The following IMMP2L variants were observed in gnomAD, a reference collection of about 807,000 sequenced individuals.
IMMP2L encodes inner mitochondrial membrane peptidase subunit 2, also known as mitochondrial inner membrane protease subunit 2.
IMMP2L carries 18 observed loss-of-function variants against 19.3 expected under a neutral mutation model. The observed-to-expected ratio is 0.93, with a 90% CI of 0.64 to 1.38. IMMP2L has a LOEUF of 1.38. IMMP2L is among the 40% of genes most tolerant of loss of function. The pLI is 0.00. For synonymous variants in IMMP2L, 76 were observed against 73.0 expected, an observed-to-expected ratio of 1.04 and a Z score of -0.21; for missense variants, 233 against 218.2, an observed-to-expected ratio of 1.07 and a Z score of -0.43.
chr7:110,995,943 A>C (rs2129560341), intron 3 of IMMP2L, among the ~76,000 whole-genome samples: 1 of 152,296 alleles, frequency 6.6e-6, no homozygotes, highest in Non-Finnish European at 1.5e-5. Context: ...ATAAGAAATA[A>C]CACCATGTAA....
chr7:110,714,222 A>T (rs1345996238), intron 5 of IMMP2L, among the ~76,000 whole-genome samples: 1 of 152,202 alleles, frequency 6.6e-6, no homozygotes, highest in Non-Finnish European at 1.5e-5. Flanking sequence ...GTGGTGAATC[A>T]CATTTATTGA....
intron 3 of IMMP2L, among the ~76,000 whole-genome samples, chr7:111,381,376 T>C (rs1451369715): frequency 1.3e-5 from 2 of 152,002 alleles, no homozygotes; most frequent in African/African-American, 4.8e-5. Flanking sequence ...GCCACGTGTC[T>C]ACTGAGCATT....
chr7:110,706,400 A>G (rs1336010832), intron 5 of IMMP2L, among the ~76,000 whole-genome samples: 3 of 152,196 alleles, frequency 2.0e-5, no homozygotes, highest in Non-Finnish European at 4.4e-5. Context: ...CACTATGTCC[A>G]GCAGTAGTTC....
intron 3 of IMMP2L, among the ~76,000 whole-genome samples, chr7:111,168,140 C>G (rs1402583004): frequency 6.6e-6 from 1 of 151,868 alleles, no homozygotes; most frequent in Admixed American, 6.6e-5. Context: ...TGATTTTCTG[C>G]TGGATATGTT....
At chr7:111,421,256 T>C (rs1835492858) in intron 3 of IMMP2L, among the ~76,000 whole-genome samples, 1 of 148,258 alleles carries the variant, frequency 6.7e-6, no homozygotes, top group Non-Finnish European at 1.5e-5. Flanking sequence ...GATGGGGTTG[T>C]TTGTTTTTTT....
intron 2 of IMMP2L, among the ~76,000 whole-genome samples, chr7:111,513,156 ACAAT>A (rs1296799786): frequency 6.6e-6 from 1 of 152,176 alleles, no homozygotes; most frequent in Non-Finnish European, 1.5e-5. Flanking sequence ...AGAGAAGGAA[ACAAT>A]CAACATGGTA....
chr7:111,094,029 G>A (rs1797143016), intron 3 of IMMP2L, among the ~76,000 whole-genome samples: 1 of 152,094 alleles, frequency 6.6e-6, no homozygotes, highest in African/African-American at 2.4e-5. Context: ...TACAAAAAAG[G>A]TGATCAACTT....
At chr7:111,385,452 C>T (rs919290247) in intron 3 of IMMP2L, among the ~76,000 whole-genome samples, 5 of 152,122 alleles carry the variant, frequency 3.3e-5, no homozygotes, top group South Asian at 2.1e-4. Flanking sequence ...AGACCCATAG[C>T]GCTACCCTAG....
intron 3 of IMMP2L, among the ~76,000 whole-genome samples, chr7:111,290,472 CTG>C (rs1192717868): frequency 6.6e-6 from 1 of 151,284 alleles, no homozygotes; most frequent in Non-Finnish European, 1.5e-5. Flanking sequence ...AAAATATAAT[CTG>C]TGTTTATTTA....
At chr7:110,814,505 G>A (rs1802308834) in intron 5 of IMMP2L, among the ~76,000 whole-genome samples, 1 of 150,390 alleles carries the variant, frequency 6.6e-6, no homozygotes, top group African/African-American at 2.4e-5. Flanking sequence ...ATTAAAAGAG[G>A]GAGCATTTAT....
chr7:110,799,817 A>G (rs373491341), intron 5 of IMMP2L, among the ~76,000 whole-genome samples: 13 of 152,090 alleles, frequency 8.5e-5, no homozygotes, highest in African/African-American at 2.9e-4. Context: ...TGTCTGAATT[A>G]CGAATTCCAC....
intron 5 of IMMP2L, among the ~76,000 whole-genome samples, chr7:110,797,120 A>G (rs1375643692): frequency 6.6e-6 from 1 of 152,002 alleles, no homozygotes; most frequent in Non-Finnish European, 1.5e-5. Context: ...TTTAAAAGGT[A>G]AAGAGCAAGG....
chr7:111,003,817 A>G (rs1296947597), intron 3 of IMMP2L, among the ~76,000 whole-genome samples: 1 of 152,124 alleles, frequency 6.6e-6, no homozygotes, highest in African/African-American at 2.4e-5. Flanking sequence ...TGGCTGATTT[A>G]ACGTCATTAA....
Position 111,327,942 on chromosome 7 carries a change from C to T in IMMP2L, c.239+159296G>A, listed in dbSNP as rs187301670. On this transcript the variant is annotated intron_variant, in intron 3 of 5. Transcript: ENST00000405709. The stretch of plus-strand genomic sequence containing the variant: ...GAATCACCTGTTTGGAAAATAGGTA[C>T]GTATAGTAGATATATAATATATAAG... Among the ~76,000 whole-genome samples the T allele has an allele frequency of 2.0e-3, 298 of 151,548 alleles. 2 individuals carry two copies. Among genetic ancestry groups the T allele is most frequent in the African/African-American group, 6.8e-3 (281 of 41,380 alleles).
chr7:110,979,683 C>A (rs1390819599), intron 3 of IMMP2L, among the ~76,000 whole-genome samples: 1 of 148,854 alleles, frequency 6.7e-6, no homozygotes, highest in African/African-American at 2.5e-5. Context: ...AGGGTTTAAA[C>A]TTAAAAAACA....
In IMMP2L at chr7:111,388,908, T is replaced by C. The variant is rs191467876; in HGVS notation, c.239+98330A>G. Among the ~76,000 whole-genome samples the C allele has an allele frequency of 4.8e-4, 73 of 152,192 alleles. No homozygotes were observed. The East Asian group carries it at 0.011, about 23-fold the overall frequency. ...ATGTATGTACATGCATATATGTACA[T>C]ACATATATACATATAATGTGCAAAT... On this transcript the variant is annotated intron_variant, in intron 3 of 5. Transcript: ENST00000405709.
chr7:111,422,735 C>T (rs1325232497), intron 3 of IMMP2L, among the ~76,000 whole-genome samples: 1 of 151,820 alleles, frequency 6.6e-6, no homozygotes, highest in Non-Finnish European at 1.5e-5. Flanking sequence ...ATTGCCCTGG[C>T]CAGAACTTCC....
chr7:111,298,344 G>C lies in IMMP2L; in HGVS notation c.239+188894C>G, dbSNP rs78053679. Reference sequence around the variant, plus strand: ...TCTTTCTGTGCCAAGAGGGATAGCAGTACTTGCCACACAGGGTTCTTGGGA... The same window carrying C: ...TCTTTCTGTGCCAAGAGGGATAGCACTACTTGCCACACAGGGTTCTTGGGA... On this transcript the variant is annotated intron_variant, in intron 3 of 5. Coordinates refer to ENST00000405709, the MANE Select transcript of IMMP2L (RefSeq NM_032549.4). Among the ~76,000 whole-genome samples, 7 of 152,262 alleles carry C rather than the reference G, an allele frequency of 4.6e-5. No individual in the cohort carries two copies. The East Asian group carries it at 1.4e-3, about 29-fold the overall frequency.
chr7:111,445,159 T>A (rs1838193622), intron 3 of IMMP2L, among the ~76,000 whole-genome samples: 1 of 152,066 alleles, frequency 6.6e-6, no homozygotes, highest in African/African-American at 2.4e-5. Flanking sequence ...TTCTCACAAT[T>A]ATCCTTCTCT....
Sources: gnomAD v4.1 joint callset for allele counts (sites outside exome capture counted in the v4.1 genomes callset) on GRCh38, gnomAD v4.1.1 for gene constraint, MANE v1.5 for transcripts, NCBI Gene and HGNC (gene_info 2026-07-23, HGNC 2026-07-21) for gene names.